The following FLG variants were observed in gnomAD, a reference collection of about 807,000 sequenced individuals.
FLG encodes filaggrin, also known as epidermal filaggrin.
In FLG, 6 loss-of-function variants were observed where a neutral mutation model predicts 3.8. That is an observed-to-expected ratio of 1.60 (90% CI 0.87 to 3.15). The LOEUF (loss-of-function observed/expected upper bound fraction) is 3.15, where lower values mean the gene tolerates loss of function less well. FLG is among the 30% of genes most tolerant of loss of function. FLG has a pLI of 0.00. For synonymous variants in FLG, 2,551 were observed against 1,931.6 expected (o/e 1.32, Z -8.41); for missense variants, 7,595 against 5,050.9 (o/e 1.50, Z -15.27).
Position 152,303,115 on chromosome 1 carries a change from G to A in FLG, c.11771C>T (p.Thr3924Ile), listed in dbSNP as rs768008717. The A allele has an allele frequency of 5.6e-6, 9 of 1,614,176 alleles. No homozygotes were observed. Among genetic ancestry groups the A allele is most frequent in the South Asian group, 3.3e-5 (3 of 91,080 alleles). Residue 3924 changes from threonine (T) to isoleucine (I), a missense_variant, in exon 3 of 3, where the codon ACC (threonine) becomes ATC (isoleucine). Thr to Ile is a moderately conservative substitution (Grantham distance 89, BLOSUM62 -1). Coordinates refer to ENST00000368799, the MANE Select transcript of FLG (RefSeq NM_002016.2). ...QSSPVQSDSSTAKEHGHFSSL... is the reference protein window; with the variant it reads ...QSSPVQSDSSIAKEHGHFSSL... ...ACTAAAGTGACCATGTTCCTTAGCG[G>A]TACTAGAGTCTGACTGTACAGGTGA... is the stretch of plus-strand genomic sequence containing the variant.
Position 152,311,820 on chromosome 1 carries a change from A to C in FLG, c.3066T>G (p.His1022Gln). 2 of 1,614,018 alleles carry C rather than the reference A, an allele frequency of 1.2e-6. No homozygotes were observed. The highest frequency in any genetic ancestry group is 2.2e-5 in the East Asian group (1 of 44,846). The change falls in exon 3 of 3, where the codon CAT becomes CAG. Residue 1022 changes from histidine to glutamine, a missense_variant. Physicochemically the swap from His to Gln is conservative, Grantham distance 24. Transcript: ENST00000368799. ...CTCCTGGACTTGATCTTGCCTGTTC[A>C]TGGGATGACGCAGCCTGTCCACCAG... The part of the protein sequence containing the change: ...TSSGGQAASS[H>Q]EQARSSPGER...
At position 152,308,411 on chromosome 1, in the gene FLG, C is replaced by T; in HGVS notation, c.6475G>A (p.Asp2159Asn). ...RQGSHQEQSV[D>N]RSGHSGSHHS... is the part of the protein sequence containing the mutation. ...TGAGACCCTGAGTGTCCAGACCTAT[C>T]TACCGATTGCTCTTGGTGGGACCCC... The change falls in exon 3 of 3, where the codon GAT becomes AAT. Residue 2159 changes from aspartate to asparagine, a missense_variant. Physicochemically the swap from Asp to Asn is conservative, Grantham distance 23. Transcript: ENST00000368799. 2.5e-6 allele frequency: 4 copies of T among 1,613,906 alleles called. No homozygotes were observed. Among genetic ancestry groups the T allele is most frequent in the Non-Finnish European group, 3.4e-6 (4 of 1,179,922 alleles).
In FLG at chr1:152,309,501, C is replaced by A. The variant is rs148295815; in HGVS notation, c.5385G>T (p.Glu1795Asp). ...AGTGCCTGGAGCTGTCTCGTGCCTG[C>A]TCGTGGCGGGATCTTTGTCTTCCTC... is the stretch of plus-strand genomic sequence containing the variant. ...STGGRQRSRH[E>D]QARDSSRHSA... Residue 1795 changes from glutamate to aspartate, a missense_variant, in exon 3 of 3, where the codon GAG becomes GAT. Transcript: ENST00000368799. The A allele has an allele frequency of 3.0e-5, 49 of 1,613,660 alleles. No homozygotes were observed. In the African/African-American group the frequency reaches 6.1e-4, roughly 20 times the overall value.
chr1:152,313,525 G>A lies in FLG; in HGVS notation c.1361C>T (p.Thr454Ile). 1 of 1,613,992 alleles carries A rather than the reference G, an allele frequency of 6.2e-7. No individual in the cohort carries two copies. The highest frequency in any genetic ancestry group is 8.5e-7 in the Non-Finnish European group (1 of 1,180,018). The change falls in exon 3 of 3, where the codon ACA (threonine) becomes ATA (isoleucine). Residue 454 changes from threonine (T) to isoleucine (I), a missense_variant. Coordinates refer to ENST00000368799, the MANE Select transcript of FLG (RefSeq NM_002016.2). ...GLRQQSHQES[T>I]RGRSGERSGR... ...AGACCGTTCCCCTGACCGGCCACGT[G>A]TGGACTCTTGGTGGCTCTGCTGTCT...
In FLG at chr1:152,305,143, C is replaced by A; in HGVS notation, c.9743G>T (p.Arg3248Met). 6.2e-7 allele frequency: 1 copy of A among 1,613,928 alleles called. No individual in the cohort carries two copies. The highest frequency in any genetic ancestry group is 8.5e-7 in the Non-Finnish European group (1 of 1,179,972). ...NHRGSVQEQS[R>M]HGSRHPRSHH... ...GGACCTGGGGTGTCTGGAGCCGTGCCTTGACTGCTCCTGAACAGATCCACG... is the reference window on the plus strand; with the variant it reads ...GGACCTGGGGTGTCTGGAGCCGTGCATTGACTGCTCCTGAACAGATCCACG... The change falls in exon 3 of 3, where the codon AGG becomes ATG. Residue 3248 changes from arginine (R) to methionine (M), a missense_variant. By Grantham distance (91) the Arg-to-Met change is moderately conservative. Coordinates refer to ENST00000368799, the MANE Select transcript of FLG (RefSeq NM_002016.2).
At position 152,313,262 on chromosome 1, in the gene FLG, A is replaced by T; in HGVS notation, c.1624T>A (p.Ser542Thr). Residue 542 changes from serine (S) to threonine (T), a missense_variant, in exon 3 of 3, where the codon TCA becomes ACA. Transcript: ENST00000368799. ...GTGGTGTGGCTGTGATGGGAACCTG[A>T]GTGTCCAGACCTATTTACCGATTGC... ...HEQSVNRSGH[S>T]GSHHSHTTSQ... 6.2e-7 allele frequency: 1 copy of T among 1,613,728 alleles called. No homozygotes were observed. Among genetic ancestry groups the T allele is most frequent in the African/African-American group, 1.3e-5 (1 of 74,806 alleles).
In FLG at chr1:152,311,273, C is replaced by T. The variant is rs1652402210; in HGVS notation, c.3613G>A (p.Asp1205Asn). The T allele has an allele frequency of 6.2e-6, 10 of 1,613,932 alleles. No individual in the cohort carries two copies. In the East Asian group the frequency reaches 2.2e-4, roughly 36 times the overall value. The change falls in exon 3 of 3, where the codon GAT becomes AAT. Residue 1205 changes from aspartate to asparagine, a missense_variant. Coordinates refer to ENST00000368799, the MANE Select transcript of FLG (RefSeq NM_002016.2). ...HSHTTSQGRSDASHGQSGSRS... is the reference protein window; with the variant it reads ...HSHTTSQGRSNASHGQSGSRS... Reference sequence around the variant, plus strand: ...GATCCTGACTGCCCATGGGAGGCATCAGACCTTCCCTGGGATGTGGTGTGG... The same window carrying T: ...GATCCTGACTGCCCATGGGAGGCATTAGACCTTCCCTGGGATGTGGTGTGG...
In FLG at chr1:152,315,375, A is replaced by G. The variant is rs761812139; in HGVS notation, c.82T>C (p.Leu28=). The G allele has an allele frequency of 1.2e-5, 20 of 1,613,064 alleles. No individual in the cohort carries two copies. Among genetic ancestry groups the G allele is most frequent in the African/African-American group, 1.3e-5 (1 of 74,868 alleles). ...AGTTCCTTCAGCTCTTTTTTACTCA[A>G]TGTGTCAGTGTTTTTATCTTTTTTT... The part of the protein sequence containing the change: ...YSKKDKNTDT[L]SKKELKELLE... Residue 28 remains leucine, a synonymous_variant, in exon 2 of 3, where the codon TTG becomes CTG. Transcript: ENST00000368799.
In FLG at chr1:152,311,348, G is replaced by T; in HGVS notation, c.3538C>A (p.His1180Asn). 1 of 1,613,778 alleles carries T rather than the reference G, an allele frequency of 6.2e-7. No homozygotes were observed. Among genetic ancestry groups the T allele is most frequent in the East Asian group, 2.2e-5 (1 of 44,832 alleles). Residue 1180 changes from histidine (H) to asparagine (N), a missense_variant, in exon 3 of 3, where the codon CAC (histidine) becomes AAC (asparagine). Physicochemically the swap from His to Asn is moderately conservative, Grantham distance 68. Transcript: ENST00000368799. ...GATCTATCTACCGATTGCTCATGGT[G>T]GGATCCCTGCCTTCCTCCTCTCCTT... ...GSRRGGRQGS[H>N]HEQSVDRSGH...
In FLG at chr1:152,314,032, T is replaced by G; in HGVS notation, c.854A>C (p.Gln285Pro). The stretch of plus-strand genomic sequence containing the variant: ...CCTACGCTTTCTTGTCCTGGACTCC[T>G]GCAATGGTACCTGGCTTGTATTTTC... ...RHENTSQVPLQESRTRKRRGS... is the reference protein window; with the variant it reads ...RHENTSQVPLPESRTRKRRGS... The change falls in exon 3 of 3, where the codon CAG (glutamine) becomes CCG (proline). Residue 285 changes from glutamine to proline, a missense_variant. Transcript: ENST00000368799. The G allele has an allele frequency of 6.2e-7, 1 of 1,614,222 alleles. No individual in the cohort carries two copies. Among genetic ancestry groups the G allele is most frequent in the Non-Finnish European group, 8.5e-7 (1 of 1,180,020 alleles).
chr1:152,302,564 A>T lies in FLG; in HGVS notation c.*136T>A. 1.8e-6 allele frequency: 2 copies of T among 1,122,686 alleles called. No individual in the cohort carries two copies. The highest frequency in any genetic ancestry group is 2.5e-6 in the Non-Finnish European group (2 of 804,002). 69.5% of individuals were successfully genotyped at this position (1,122,686 alleles called of 1,614,324 possible). A position where few individuals can be genotyped will look rare whatever the true frequency, so the allele number is the denominator to read the frequency against. On this transcript the variant is annotated 3_prime_UTR_variant, in exon 3 of 3. Coordinates refer to ENST00000368799, the MANE Select transcript of FLG (RefSeq NM_002016.2). ...AATAAAAATAAGCTACCACCAAACT[A>T]ATGAAATACTATAGCATATTTTAAA...
rs769259752 is a variant in FLG at position 152,307,238 on chromosome 1, C to T, written c.7648G>A (p.Gly2550Ser). The T allele has an allele frequency of 1.2e-6, 2 of 1,612,842 alleles. No homozygotes were observed. Among genetic ancestry groups the T allele is most frequent in the Non-Finnish European group, 1.7e-6 (2 of 1,179,986 alleles). Residue 2550 changes from glycine to serine, a missense_variant, in exon 3 of 3, where the codon GGC becomes AGC. By Grantham distance (56) the Gly-to-Ser change is moderately conservative. Coordinates refer to ENST00000368799, the MANE Select transcript of FLG (RefSeq NM_002016.2). ...RADSSGHSQV[G>S]QGQSEGPRTS... ...CTGGGCCCCTCTGATTGTCCCTGGC[C>T]CACCTGCGAGTGTCCAGAGCTGTCG...
In FLG at chr1:152,307,227, T is replaced by A. The variant is rs1407351944; in HGVS notation, c.7659A>T (p.Gln2553His). Reference sequence around the variant, plus strand: ...TCCTGCTTGTCCTGGGCCCCTCTGATTGTCCCTGGCCCACCTGCGAGTGTC... The same window carrying A: ...TCCTGCTTGTCCTGGGCCCCTCTGAATGTCCCTGGCCCACCTGCGAGTGTC... Reference protein sequence around the residue: ...SSGHSQVGQGQSEGPRTSRNW... With the variant: ...SSGHSQVGQGHSEGPRTSRNW... Residue 2553 changes from glutamine to histidine, a missense_variant, in exon 3 of 3, where the codon CAA becomes CAT. Physicochemically the swap from Gln to His is conservative, Grantham distance 24 (BLOSUM62 0). Transcript: ENST00000368799. The A allele has an allele frequency of 3.1e-6, 5 of 1,612,688 alleles. No homozygotes were observed.
chr1:152,303,347 G>C lies in FLG; in HGVS notation c.11539C>G (p.Gln3847Glu). ...CTCCTGGACCCCGCTGATTCACCCTGGCCGGACTGTGAGTGTCTAGAGCTG... is the reference window on the plus strand; with the variant it reads ...CTCCTGGACCCCGCTGATTCACCCTCGCCGGACTGTGAGTGTCTAGAGCTG... ...ADSSRHSQSG[Q>E]GESAGSRRSR... is the part of the protein sequence containing the mutation. Residue 3847 changes from glutamine to glutamate, a missense_variant, in exon 3 of 3, where the codon CAG becomes GAG. Physicochemically the swap from Gln to Glu is conservative, Grantham distance 29 (BLOSUM62 2). Coordinates refer to ENST00000368799, the MANE Select transcript of FLG (RefSeq NM_002016.2). 1 of 1,614,110 alleles carries C rather than the reference G, an allele frequency of 6.2e-7. No homozygotes were observed. Among genetic ancestry groups the C allele is most frequent in the Non-Finnish European group, 8.5e-7 (1 of 1,180,012 alleles).
rs3126072 is a variant in FLG, at chr1:152,307,253, C to T, written c.7633G>A (p.Gly2545Arg). The change falls in exon 3 of 3, where the codon GGA (glycine) becomes AGA (arginine). Residue 2545 changes from glycine to arginine, a missense_variant. Transcript: ENST00000368799. ...HEASSRADSSGHSQVGQGQSE... is the reference protein window; with the variant it reads ...HEASSRADSSRHSQVGQGQSE... Reference sequence around the variant, plus strand: ...TGTCCCTGGCCCACCTGCGAGTGTCCAGAGCTGTCGGCCCGAGAGGAAGCT... The same window carrying T: ...TGTCCCTGGCCCACCTGCGAGTGTCTAGAGCTGTCGGCCCGAGAGGAAGCT... 0.22 allele frequency: 355,850 copies of T among 1,609,874 alleles called. 53,749 individuals carry two copies. Among genetic ancestry groups the T allele is most frequent in the East Asian group, 0.62 (27,675 of 44,724 alleles).
In FLG at chr1:152,313,005, A is replaced by T. The variant is rs369417173; in HGVS notation, c.1881T>A (p.Ser627Arg). 41 of 1,613,656 alleles carry T rather than the reference A, an allele frequency of 2.5e-5. No individual in the cohort carries two copies. The highest frequency in any genetic ancestry group is 3.1e-5 in the Non-Finnish European group (36 of 1,179,966). The change falls in exon 3 of 3, where the codon AGT becomes AGA. Residue 627 changes from serine to arginine, a missense_variant. Physicochemically the swap from Ser to Arg is moderately radical, Grantham distance 110. Coordinates refer to ENST00000368799, the MANE Select transcript of FLG (RefSeq NM_002016.2). ...QGSSVSQDSD[S>R]QGHSEDSERW... is the part of the protein sequence containing the mutation. ...TCTCAGAGTCTTCTGAGTGTCCCTG[A>T]CTGTCACTGTCCTGGCTAACACTGG...
Position 152,313,386 on chromosome 1 carries a change from T to C in FLG, c.1500A>G (p.Ala500=). 6.2e-7 allele frequency: 1 copy of C among 1,613,482 alleles called. No individual in the cohort carries two copies. The highest frequency in any genetic ancestry group is 1.1e-5 in the South Asian group (1 of 91,028). ...ACGCTGAATGCCTGGAGCTGTCTCG[T>C]GCCTGCTCGTGGTGCGATCCTTGTC... ...GGRQGSHHEQ[A]RDSSRHSASQ... The change falls in exon 3 of 3, where the codon GCA becomes GCG. Residue 500 remains alanine (A), a synonymous_variant. Transcript: ENST00000368799.
Position 152,305,105 on chromosome 1 carries a change from T to C in FLG, c.9781A>G (p.Arg3261Gly). The part of the protein sequence containing the change: ...SRHPRSHHED[R>G]AGHGHSADRS... The stretch of plus-strand genomic sequence containing the variant: ...TCTGCAGAGTGCCCGTGACCGGCTC[T>C]GTCTTCGTGATGGGACCTGGGGTGT... The change falls in exon 3 of 3, where the codon AGA becomes GGA. Residue 3261 changes from arginine to glycine, a missense_variant. Arg to Gly is a moderately radical substitution (Grantham distance 125). Transcript: ENST00000368799. 6.2e-7 allele frequency: 1 copy of C among 1,613,930 alleles called. No homozygotes were observed. The highest frequency in any genetic ancestry group is 1.3e-5 in the African/African-American group (1 of 74,992).
intron 1 of FLG, 39 bp from the exon 2 acceptor site, chr1:152,315,516 T>C: frequency 1.4e-6 from 2 of 1,451,776 alleles, no homozygotes; most frequent in Non-Finnish European, 9.5e-7. Context: ...TTTATACATC[T>C]TTTTTTCTAG....
Sources: allele counts gnomAD v4.1 joint callset, GRCh38; gene constraint gnomAD v4.1.1; transcripts MANE v1.5; gene names NCBI Gene and HGNC (gene_info 2026-07-23, HGNC 2026-07-21).